SLC4A1AP: variants seen among roughly 807,000 people sequenced by gnomAD.
The protein encoded by SLC4A1AP is solute carrier family 4 member 1 adaptor protein.
A neutral mutation model predicts 89.7 loss-of-function variants in SLC4A1AP; 64 were observed. The ratio of observed to expected loss-of-function variants is 0.71; its 90% CI spans 0.58 to 0.88. SLC4A1AP has a LOEUF of 0.88. Among genes scored for constraint, SLC4A1AP ranks in the 40% least tolerant of loss-of-function variants. SLC4A1AP has a pLI of 0.00. For synonymous variants in SLC4A1AP, 366 were observed against 353.3 expected (o/e 1.04, Z -0.40); for missense variants, 931 against 965.0 (o/e 0.96, Z 0.47).
intron 1 of SLC4A1AP, 47 bp from the exon 2 acceptor site, chr2:27,665,053 C>T (rs371553574): frequency 2.0e-6 from 3 of 1,502,510 alleles, no homozygotes; most frequent in East Asian, 4.6e-5. Context: ...CAGAGCAAGA[C>T]CCTGTCTCTA....
chr2:27,678,010 C>T (rs1675553039), intron 8 of SLC4A1AP, 86 bp downstream of exon 8: 2 of 904,776 alleles, frequency 2.2e-6, no homozygotes, highest in African/African-American at 1.7e-5. Context: ...CTTAAATAAT[C>T]ATTATATAAT....
intron 12 of SLC4A1AP, 167 bp from the exon 13 acceptor site, chr2:27,693,518 C>T (rs1675822911): frequency 1.7e-6 from 1 of 582,406 alleles, no homozygotes; most frequent in Non-Finnish European, 3.1e-6. Context: ...CTGAAAAAGA[C>T]TTTATTTCTC....
intron 6 of SLC4A1AP, among the ~76,000 whole-genome samples, chr2:27,677,043 G>A (rs1675535216): frequency 6.6e-6 from 1 of 152,004 alleles, no homozygotes; most frequent in Non-Finnish European, 1.5e-5. Context: ...GGAGGCTGAG[G>A]CAGGAGAATC....
chr2:27,694,824 C>T (rs1675846922), exon 14 of SLC4A1AP: 3 of 570,534 alleles, frequency 5.3e-6, no homozygotes, highest in Non-Finnish European at 9.2e-6. Flanking sequence ...GTGTTCTTGG[C>T]TTCCTAAATT....
chr2:27,682,405 C>A (rs767971967), intron 9 of SLC4A1AP, 46 bp downstream of exon 9: 3 of 1,188,232 alleles, frequency 2.5e-6, no homozygotes, highest in Non-Finnish European at 3.7e-6. Context: ...TTGAGTTATC[C>A]CTGAGCTAAT....
intron 5 of SLC4A1AP, among the ~76,000 whole-genome samples, chr2:27,670,739 T>TA (rs1326577152): frequency 1.3e-5 from 2 of 151,426 alleles, no homozygotes; most frequent in Admixed American, 6.6e-5. Context: ...CAGGTGCCTG[T>TA]AGTCCCGGCC....
chr2:27,675,900 G>C (rs1675513508), intron 6 of SLC4A1AP, among the ~76,000 whole-genome samples: 2 of 152,112 alleles, frequency 1.3e-5, no homozygotes, highest in South Asian at 4.1e-4. Context: ...CTTGCTGCTA[G>C]ATCCTTTCCT....
intron 10 of SLC4A1AP, among the ~76,000 whole-genome samples, chr2:27,687,030 C>T (rs1373880352): frequency 6.6e-6 from 1 of 152,136 alleles, no homozygotes. Flanking sequence ...TCTCAAACTC[C>T]TGGCCTCAAG....
chr2:27,685,646 A>C (rs1447261619), intron 10 of SLC4A1AP, among the ~76,000 whole-genome samples: 1 of 152,098 alleles, frequency 6.6e-6, no homozygotes, highest in Non-Finnish European at 1.5e-5. Flanking sequence ...GTCAACCCCT[A>C]TTCATTTTTT....
At chr2:27,682,278 C>G in exon 9 of SLC4A1AP, 1 of 1,613,336 alleles carries the variant, frequency 6.2e-7, no homozygotes, top group Non-Finnish European at 8.5e-7. Flanking sequence ...GTGCAGAAAA[C>G]AAAGCTAAAA....
intron 9 of SLC4A1AP, among the ~76,000 whole-genome samples, chr2:27,683,987 C>T (rs983211138): frequency 1.2e-4 from 18 of 152,086 alleles, no homozygotes; most frequent in East Asian, 1.9e-4. Context: ...TCACCTGCCT[C>T]GGCCTCACTA....
Position 27,668,872 on chromosome 2 carries a change from CAG to C in SLC4A1AP, c.1175_1176del (p.Gln392ArgfsTer3). 1.9e-6 allele frequency: 3 copies of C among 1,614,090 alleles called. No individual in the cohort carries two copies. The highest frequency in any genetic ancestry group is 2.5e-6 in the Non-Finnish European group (3 of 1,179,978). ...AGAATTAGAATATGAATTTGATGAA[CAG>C]GGACATAGCACTTGGCTCTGCAGGG... On this transcript the variant is annotated frameshift_variant, in exon 4 of 14. Coordinates refer to ENST00000613058, the Ensembl canonical transcript of SLC4A1AP. LOFTEE classifies it high-confidence loss of function.
At chr2:27,688,225 C>T (rs1408109734) in intron 11 of SLC4A1AP, among the ~76,000 whole-genome samples, 1 of 152,174 alleles carries the variant, frequency 6.6e-6, no homozygotes, top group Non-Finnish European at 1.5e-5. Flanking sequence ...CCTCTTCCAC[C>T]TTCTGGGGTT....
chr2:27,667,371 A>G, exon 3 of SLC4A1AP: 1 of 1,613,114 alleles, frequency 6.2e-7, no homozygotes, highest in Non-Finnish European at 8.5e-7. Context: ...AGGCTCTCCA[A>G]GGCTTTTTTG....
chr2:27,679,383 A>C (rs1675577825), intron 8 of SLC4A1AP, among the ~76,000 whole-genome samples: 1 of 152,186 alleles, frequency 6.6e-6, no homozygotes, highest in Non-Finnish European at 1.5e-5. Flanking sequence ...TGGGCGGATC[A>C]CGAGGTCAGG....
intron 8 of SLC4A1AP, 86 bp downstream of exon 8, chr2:27,678,010 C>CATTACATTTGT: frequency 2.2e-6 from 2 of 904,770 alleles, no homozygotes; most frequent in Non-Finnish European, 3.3e-6. Context: ...CTTAAATAAT[C>CATTACATTTGT]ATTATATAAT....
rs1219470858 is a variant in SLC4A1AP at position 27,688,768 on chromosome 2, G to A, written c.2271+1G>A. 6.9e-6 allele frequency: 11 copies of A among 1,598,582 alleles called. No homozygotes were observed. The highest frequency in any genetic ancestry group is 8.5e-6 in the Non-Finnish European group (10 of 1,174,378). The stretch of plus-strand genomic sequence containing the variant: ...AAAGAAAACACCTGGTCCAGGCAAA[G>A]TAAGTATTTCACTTGTCTGGGAGTA... On this transcript the variant is annotated splice_donor_variant, in intron 12 of 13. Transcript: ENST00000613058. LOFTEE classifies it high-confidence loss of function.
chr2:27,676,805 G>A (rs991338014), intron 6 of SLC4A1AP, among the ~76,000 whole-genome samples: 3 of 150,082 alleles, frequency 2.0e-5, no homozygotes, highest in African/African-American at 7.4e-5. Flanking sequence ...ACTGCAGCCT[G>A]GGTGACAGTG....
At chr2:27,683,320 C>T (rs957587451) in intron 9 of SLC4A1AP, among the ~76,000 whole-genome samples, 3 of 152,186 alleles carry the variant, frequency 2.0e-5, no homozygotes, top group East Asian at 1.9e-4. Context: ...CCCCTAAGAG[C>T]TGAACCTTGA....
Sources: gnomAD v4.1 joint callset for allele counts (sites outside exome capture counted in the v4.1 genomes callset) on GRCh38, gnomAD v4.1.1 for gene constraint, MANE v1.5 for transcripts, NCBI Gene and HGNC (gene_info 2026-07-23, HGNC 2026-07-21) for gene names.